MEAK7: variants seen among roughly 807,000 people sequenced by gnomAD.
MEAK7 encodes the protein MTOR associated protein MEAK7.
Under a neutral mutation model 40.5 loss-of-function variants are expected in MEAK7, and 68 were observed. The observed-to-expected ratio is 1.68, with a 90% CI of 1.38 to 2.06. The LOEUF is 2.06. Ranked by LOEUF, MEAK7 falls within the 30% of genes most tolerant of loss-of-function variation. MEAK7 has a pLI of 0.00. For missense variants in MEAK7, 918 were observed against 580.5 expected (o/e 1.58, Z -5.98); for synonymous variants, 338 against 231.9 (o/e 1.46, Z -4.16).
At chr16:84,497,391 A>G (rs1252515493) in intron 2 of MEAK7, 5 of 1,265,806 alleles carry the variant, frequency 4.0e-6, no homozygotes, top group Middle Eastern at 2.2e-4. Flanking sequence ...TAGGAATATC[A>G]TGAAATTCCT....
intron 1 of MEAK7, among the ~76,000 whole-genome samples, chr16:84,501,474 C>T (rs1046858967): frequency 6.6e-6 from 1 of 152,136 alleles, no homozygotes; most frequent in African/African-American, 2.4e-5. Context: ...CAGGGTGCAG[C>T]CTGGCCAGCC....
At position 84,479,952 on chromosome 16, in the gene MEAK7, G is replaced by C; in HGVS notation, c.1332C>G (p.Arg444=). The change falls in exon 8 of 8, where the codon CGC becomes CGG. Residue 444 remains arginine (R), a synonymous_variant. Transcript: ENST00000343629. ...QALLEISGHS[R]HSEGLREVPD... ...GGACTTCCCGGAGCCCTTCGCTGTGGCGCGAATGCCCACTGATCTCCAGCA... is the reference window on the plus strand; with the variant it reads ...GGACTTCCCGGAGCCCTTCGCTGTGCCGCGAATGCCCACTGATCTCCAGCA... The C allele has an allele frequency of 6.2e-7, 1 of 1,610,416 alleles. No homozygotes were observed. Among genetic ancestry groups the C allele is most frequent in the African/African-American group, 1.3e-5 (1 of 74,964 alleles).
chr16:84,495,416 G>A (rs550941269), intron 3 of MEAK7, among the ~76,000 whole-genome samples: 21 of 152,120 alleles, frequency 1.4e-4, no homozygotes, highest in Admixed American at 6.5e-5. Flanking sequence ...TATGGATTCA[G>A]TAATGGGACC....
intron 1 of MEAK7, among the ~76,000 whole-genome samples, chr16:84,498,996 C>T (rs1319611338): frequency 1.3e-5 from 2 of 152,152 alleles, no homozygotes; most frequent in Non-Finnish European, 2.9e-5. Context: ...AGAAGATTGC[C>T]GTGATTATCA....
At position 84,492,070 on chromosome 16, in the gene MEAK7, G is replaced by C. The variant is rs539308895; in HGVS notation, c.385-2648C>G. Among the ~76,000 whole-genome samples, 4 of 152,228 alleles carry C rather than the reference G, an allele frequency of 2.6e-5. No individual in the cohort carries two copies. In the South Asian group the frequency reaches 8.3e-4, roughly 32 times the overall value. ...GATGGCAATCAAACTGTGTTCACGAGACACAGGGCCTGAAATTTAAAATAT... is the reference window on the plus strand; with the variant it reads ...GATGGCAATCAAACTGTGTTCACGACACACAGGGCCTGAAATTTAAAATAT... On this transcript the variant is annotated intron_variant, in intron 3 of 7. Coordinates refer to ENST00000343629, the MANE Select transcript of MEAK7 (RefSeq NM_020947.4).
intron 3 of MEAK7, among the ~76,000 whole-genome samples, chr16:84,490,824 C>CTA (rs1043370201): frequency 1.1e-4 from 17 of 151,984 alleles, no homozygotes; most frequent in African/African-American, 4.1e-4. Flanking sequence ...CTTCCTCTTG[C>CTA]TACCCTCCGC....
At chr16:84,487,835 G>A (rs953911189) in intron 4 of MEAK7, 1 of 152,214 alleles carries the variant, frequency 6.6e-6, no homozygotes, top group Non-Finnish European at 1.5e-5. Flanking sequence ...CTGTGCCTCA[G>A]TTTCCTCAGG....
At chr16:84,480,446 G>A in intron 7 of MEAK7, 83 bp downstream of exon 7, 1 of 1,452,982 alleles carries the variant, frequency 6.9e-7, no homozygotes, top group Non-Finnish European at 9.2e-7. Flanking sequence ...AGACAGAAGA[G>A]TAAAGGGGTA....
At chr16:84,503,869 C>A (rs1914687260) in intron 1 of MEAK7, 5 of 933,638 alleles carry the variant, frequency 5.4e-6, no homozygotes, top group Non-Finnish European at 6.4e-6. Flanking sequence ...CAGGCTGTTA[C>A]ATGGCTGCTT....
chr16:84,488,690 C>T (rs28451286), intron 4 of MEAK7, among the ~76,000 whole-genome samples: 12,261 of 152,062 alleles, frequency 0.081, 898 homozygotes, highest in East Asian at 0.33. Context: ...TGTTACATAG[C>T]CAGTAGGCCA....
chr16:84,482,477 G>T (rs532267989), intron 6 of MEAK7, 115 bp downstream of exon 6: 4 of 1,527,290 alleles, frequency 2.6e-6, no homozygotes, highest in South Asian at 1.2e-5. Flanking sequence ...CATGGCGTGC[G>T]TGAGGAACTG....
chr16:84,480,797 G>A lies in MEAK7; in HGVS notation c.1078-89C>T, dbSNP rs558010707. On this transcript the variant is annotated intron_variant, in intron 6 of 7. Transcript: ENST00000343629. ...ACCACAAGCCAGCCTCTCGCCTTAA[G>A]TACCAGCCTGAGACAGGGGCGGGTG... The A allele has an allele frequency of 4.9e-6, 7 of 1,431,804 alleles. No individual in the cohort carries two copies. In the South Asian group the frequency reaches 7.2e-5, roughly 15 times the overall value. 88.7% of individuals were successfully genotyped at this position (1,431,804 alleles called of 1,614,324 possible).
At position 84,498,906 on chromosome 16, in the gene MEAK7, G is replaced by C. The variant is rs564213744; in HGVS notation, c.-25-795C>G. Reference sequence around the variant, plus strand: ...CCTGGCTCTGCCTCCTCCTAGCTGTGTAGTCTTGGGCAAGCTACTAAAACG... The same window carrying C: ...CCTGGCTCTGCCTCCTCCTAGCTGTCTAGTCTTGGGCAAGCTACTAAAACG... On this transcript the variant is annotated intron_variant, in intron 1 of 7. Transcript: ENST00000343629. 2.0e-5 allele frequency among the ~76,000 whole-genome samples: 3 copies of C among 152,198 alleles called. No homozygotes were observed. The South Asian group carries it at 6.2e-4, about 32-fold the overall frequency.
Position 84,495,836 on chromosome 16 carries a change from C to G in MEAK7, c.231G>C (p.Gly77=). Residue 77 remains glycine, a synonymous_variant, in exon 3 of 8, where the codon GGG becomes GGC. Coordinates refer to ENST00000343629, the MANE Select transcript of MEAK7 (RefSeq NM_020947.4). ...YDGMRRVDLT[G]KAKGPSENVS... Reference sequence around the variant, plus strand: ...CGTTCTCACTGGGTCCCTTCGCCTTCCCTGTCAGGTCGACCCTCCGCATGC... The same window carrying G: ...CGTTCTCACTGGGTCCCTTCGCCTTGCCTGTCAGGTCGACCCTCCGCATGC... 6.2e-7 allele frequency: 1 copy of G among 1,614,118 alleles called. No individual in the cohort carries two copies.
At chr16:84,488,784 C>T (rs776960545) in intron 4 of MEAK7, among the ~76,000 whole-genome samples, 2 of 151,934 alleles carry the variant, frequency 1.3e-5, no homozygotes, top group Non-Finnish European at 2.9e-5. Context: ...TGGCATGCAG[C>T]GAAGGCAGTG....
intron 6 of MEAK7, 116 bp from the exon 7 acceptor site, chr16:84,480,824 G>A: frequency 8.8e-7 from 1 of 1,132,654 alleles, no homozygotes; most frequent in Non-Finnish European, 1.2e-6. Context: ...GGGCGGGTGA[G>A]TGGTGAATGC....
intron 2 of MEAK7, 108 bp downstream of exon 2, chr16:84,497,826 T>C (rs1392261410): frequency 2.0e-6 from 3 of 1,509,626 alleles, no homozygotes; most frequent in East Asian, 4.5e-5. Context: ...CTTTTCAGTG[T>C]TGCCATCCAT....
At chr16:84,503,850 C>G (rs532595207) in intron 1 of MEAK7, 2 of 841,466 alleles carry the variant, frequency 2.4e-6, no homozygotes, top group Non-Finnish European at 2.9e-6. Context: ...CTGCTCAGAG[C>G]TTCTCCAACA....
intron 1 of MEAK7, among the ~76,000 whole-genome samples, chr16:84,502,202 C>T (rs1914558846): frequency 6.6e-6 from 1 of 151,834 alleles, no homozygotes. Context: ...ATCAAGGTTG[C>T]TTGTACCAGT....
Sources: allele counts gnomAD v4.1 joint callset (sites outside exome capture counted in the v4.1 genomes callset), GRCh38; gene constraint gnomAD v4.1.1; transcripts MANE v1.5; gene names NCBI Gene and HGNC (gene_info 2026-07-23, HGNC 2026-07-21).